The following FAM13C variants were observed in gnomAD, a reference collection of about 807,000 sequenced individuals.
FAM13C encodes protein FAM13C.
FAM13C carries 37 observed loss-of-function variants against 73.2 expected under a neutral mutation model. The ratio of observed to expected loss-of-function variants is 0.51; its 90% CI spans 0.39 to 0.67. The LOEUF (loss-of-function observed/expected upper bound fraction) is 0.67, where lower values mean the gene tolerates loss of function less well. FAM13C is among the 30% of genes least tolerant of loss of function. The pLI is 0.00. For missense variants in FAM13C, 589 were observed against 715.6 expected, an observed-to-expected ratio of 0.82 and a Z score of 2.02; for synonymous variants, 246 against 260.9, an observed-to-expected ratio of 0.94 and a Z score of 0.55.
chr10:59,341,750 T>C (rs1176666653), intron 3 of FAM13C, among the ~76,000 whole-genome samples: 1 of 151,882 alleles, frequency 6.6e-6, no homozygotes, highest in East Asian at 1.9e-4. Flanking sequence ...TGATAAGCAG[T>C]AGAGGTATAG....
intron 3 of FAM13C, among the ~76,000 whole-genome samples, chr10:59,326,759 G>T (rs1851203024): frequency 6.6e-6 from 1 of 152,114 alleles, no homozygotes; most frequent in Non-Finnish European, 1.5e-5. Flanking sequence ...CTAATTTCTA[G>T]GCTTTAAGTC....
chr10:59,257,782 T>C (rs1006843240), intron 10 of FAM13C, among the ~76,000 whole-genome samples: 3 of 152,208 alleles, frequency 2.0e-5, no homozygotes, highest in African/African-American at 4.8e-5. Flanking sequence ...AAGCCGGGAA[T>C]TGAAGATTAA....
At chr10:59,292,059 A>C (rs763641044) in intron 5 of FAM13C, among the ~76,000 whole-genome samples, 1 of 152,130 alleles carries the variant, frequency 6.6e-6, no homozygotes, top group Admixed American at 6.5e-5. Context: ...AAGTGCTGGG[A>C]TTACACGTGT....
At chr10:59,323,038 C>T (rs1850535262) in intron 4 of FAM13C, among the ~76,000 whole-genome samples, 1 of 152,184 alleles carries the variant, frequency 6.6e-6, no homozygotes, top group South Asian at 2.1e-4. Flanking sequence ...AAATTTAGTA[C>T]ATTGGATATT....
chr10:59,254,230 A>G lies in FAM13C; in HGVS notation c.1332+118T>C, dbSNP rs1841706915. On this transcript the variant is annotated intron_variant, in intron 11 of 13. Coordinates refer to ENST00000618804, the MANE Select transcript of FAM13C (RefSeq NM_198215.4). ...ATTTTCACTTTTTGAAATGACAACT[A>G]GCCTTGTTTGCAGTATATACTGCCA... The G allele has an allele frequency of 5.1e-6, 3 of 590,096 alleles. No homozygotes were observed. In the South Asian group the frequency reaches 1.5e-4, roughly 30 times the overall value. The allele number at this position is 590,096 out of a possible 1,614,324, so 36.6% of individuals were successfully genotyped here.
At chr10:59,310,019 A>G (rs1473034222) in intron 4 of FAM13C, among the ~76,000 whole-genome samples, 1 of 152,224 alleles carries the variant, frequency 6.6e-6, no homozygotes, top group Non-Finnish European at 1.5e-5. Context: ...TTCTTCCCTG[A>G]AGAGATCTAT....
chr10:59,271,196 G>T (rs1843681433), intron 6 of FAM13C, among the ~76,000 whole-genome samples: 1 of 152,130 alleles, frequency 6.6e-6, no homozygotes. Context: ...CAACGAAAGG[G>T]GAAAACAAAA....
chr10:59,285,607 C>T (rs1048580688), intron 5 of FAM13C, among the ~76,000 whole-genome samples: 3 of 152,184 alleles, frequency 2.0e-5, no homozygotes, highest in Non-Finnish European at 4.4e-5. Context: ...CTAGCCAAAA[C>T]AATTGGAAGC....
intron 8 of FAM13C, among the ~76,000 whole-genome samples, chr10:59,265,431 T>G (rs942272589): frequency 2.6e-4 from 39 of 150,582 alleles, no homozygotes; most frequent in African/African-American, 9.2e-4. Context: ...TTTGCTAGAA[T>G]GATGCACTGT....
At chr10:59,351,967 G>C (rs371777836) in intron 3 of FAM13C, among the ~76,000 whole-genome samples, 4 of 152,154 alleles carry the variant, frequency 2.6e-5, no homozygotes, top group Admixed American at 6.5e-5. Flanking sequence ...CTGTGCTCCA[G>C]CCTGGGGGAT....
chr10:59,250,731 G>A (rs1841290417), intron 13 of FAM13C, among the ~76,000 whole-genome samples: 1 of 152,206 alleles, frequency 6.6e-6, no homozygotes, highest in Non-Finnish European at 1.5e-5. Flanking sequence ...GAGTTTATGA[G>A]TTGAATAATG....
chr10:59,262,329 A>T, intron 10 of FAM13C, 105 bp downstream of exon 10: 1 of 1,030,176 alleles, frequency 9.7e-7, no homozygotes. Flanking sequence ...AGCCAGGCTA[A>T]TAAAAATATT....
chr10:59,277,948 T>G (rs191053507), intron 6 of FAM13C, among the ~76,000 whole-genome samples: 46 of 152,306 alleles, frequency 3.0e-4, no homozygotes, highest in African/African-American at 1.1e-3. Context: ...GTTTTCATGT[T>G]GCTGATAAAG....
intron 4 of FAM13C, among the ~76,000 whole-genome samples, chr10:59,308,744 C>T (rs906073206): frequency 1.3e-5 from 2 of 152,310 alleles, no homozygotes; most frequent in South Asian, 4.1e-4. Flanking sequence ...AAACTGCAAA[C>T]TTGTGGATAG....
At chr10:59,253,396 A>G (rs1841602544) in intron 11 of FAM13C, among the ~76,000 whole-genome samples, 1 of 152,216 alleles carries the variant, frequency 6.6e-6, no homozygotes, top group East Asian at 1.9e-4. Flanking sequence ...GACAACTTTT[A>G]TCCTCCAGAA....
chr10:59,253,457 C>T (rs73298118), intron 11 of FAM13C, among the ~76,000 whole-genome samples: 1,597 of 152,302 alleles, frequency 0.01, 28 homozygotes, highest in African/African-American at 0.036. Flanking sequence ...ACAGAGGATA[C>T]TCAGTAAATT....
At chr10:59,293,158 C>T (rs886964401) in intron 5 of FAM13C, among the ~76,000 whole-genome samples, 1 of 143,938 alleles carries the variant, frequency 6.9e-6, no homozygotes, top group Admixed American at 7.1e-5. Flanking sequence ...AATGCAAACT[C>T]CACCTCCTGG....
chr10:59,315,640 A>G (rs888451037), intron 4 of FAM13C, among the ~76,000 whole-genome samples: 6 of 152,182 alleles, frequency 3.9e-5, no homozygotes, highest in African/African-American at 2.4e-5. Flanking sequence ...CATCCCCCAC[A>G]TGACTTCCAA....
chr10:59,264,106 T>C lies in FAM13C; in HGVS notation c.1003A>G (p.Lys335Glu). 2 of 1,612,946 alleles carry C rather than the reference T, an allele frequency of 1.2e-6. No individual in the cohort carries two copies. Among genetic ancestry groups the C allele is most frequent in the East Asian group, 2.2e-5 (1 of 44,804 alleles). The change falls in exon 9 of 14, where the codon AAA (lysine) becomes GAA (glutamate). Residue 335 changes from lysine (K) to glutamate (E), a missense_variant. Physicochemically the swap from Lys to Glu is moderately conservative, Grantham distance 56. Transcript: ENST00000618804. ...EVLKWMNDLA[K>E]GRKQLKELKL... ...TTACCTTTGAGCTGTTTACGACCTT[T>C]AGCCAAATCATTCATCCATTTCAGG...
Sources: gnomAD v4.1 joint callset for allele counts (sites outside exome capture counted in the v4.1 genomes callset) on GRCh38, gnomAD v4.1.1 for gene constraint, MANE v1.5 for transcripts, NCBI Gene and HGNC (gene_info 2026-07-23, HGNC 2026-07-21) for gene names.